Variants in HGS observed in about 807,000 individuals in gnomAD.
HGS encodes the protein hepatocyte growth factor-regulated tyrosine kinase substrate.
HGS carries 63 observed loss-of-function variants against 109.7 expected under a neutral mutation model. The observed-to-expected ratio is 0.57, with a 90% CI of 0.47 to 0.71. The LOEUF (loss-of-function observed/expected upper bound fraction) is 0.71. HGS is among the 30% of genes least tolerant of loss of function. The probability of loss-of-function intolerance (pLI) is 0.00; values close to 1 mark genes in which losing one functional copy is unlikely to be tolerated. For missense variants in HGS, 995 were observed against 1,068.3 expected (o/e 0.93, Z 0.96); for synonymous variants, 546 against 437.3 (o/e 1.25, Z -3.10).
chr17:81,694,011 G>T (rs771143123), intron 11 of HGS, 46 bp downstream of exon 11: 6 of 1,508,568 alleles, frequency 4.0e-6, no homozygotes, highest in Non-Finnish European at 3.6e-6. Flanking sequence ...AAGGCAGTAG[G>T]GTTGATGGGG....
At position 81,700,467 on chromosome 17, in the gene HGS, A is replaced by G; in HGVS notation, c.1883A>G (p.Asp628Gly). 1 of 1,557,078 alleles carries G rather than the reference A, an allele frequency of 6.4e-7. No individual in the cohort carries two copies. Among genetic ancestry groups the G allele is most frequent in the South Asian group, 1.2e-5 (1 of 83,702 alleles). Residue 628 changes from aspartate to glycine, a missense_variant and splice_region_variant, in exon 19 of 22, where the codon GAT (aspartate) becomes GGT (glycine). Around this residue, in one of 6 missense-constraint regions of HGS, gnomAD observed 326 missense variants for 309.7 expected, o/e 1.05. Transcript: ENST00000329138. Reference sequence around the variant, plus strand: ...ATCTCCCCTGTCTTGTTTGTCACAGATCCCAGCATGGTGAGTGCCTACATG... The same window carrying G: ...ATCTCCCCTGTCTTGTTTGTCACAGGTCCCAGCATGGTGAGTGCCTACATG... ...PYPSMPSTAADPSMVSAYMYP... is the reference protein window; with the variant it reads ...PYPSMPSTAAGPSMVSAYMYP...
chr17:81,690,029 C>T (rs535021880), intron 5 of HGS, among the ~76,000 whole-genome samples, 153 bp from the exon 6 acceptor site: 56 of 152,266 alleles, frequency 3.7e-4, no homozygotes, highest in Non-Finnish European at 5.1e-4. Context: ...GACACCCAAT[C>T]TTGGGGGCAG....
At position 81,701,537 on chromosome 17, in the gene HGS, G is replaced by A. The variant is rs1239573390; in HGVS notation, c.2253G>A (p.Gln751=). The change falls in exon 22 of 22, where the codon CAG becomes CAA. Residue 751 remains glutamine (Q), a synonymous_variant. Coordinates refer to ENST00000329138, the MANE Select transcript of HGS (RefSeq NM_004712.5). ...CACCCTCTGGCGGTCCCCCCCAGCA[G>A]CAGCCCCCCGTGGCCCAGCAACCGC... ...QMAPSGGPPQ[Q]QPPVAQQPQA... is the part of the protein sequence containing the mutation. 1.9e-6 allele frequency: 3 copies of A among 1,564,316 alleles called. No homozygotes were observed. The highest frequency in any genetic ancestry group is 2.6e-6 in the Non-Finnish European group (3 of 1,161,800).
At chr17:81,689,734 C>T (rs373181642) in intron 5 of HGS, among the ~76,000 whole-genome samples, 5 of 152,258 alleles carry the variant, frequency 3.3e-5, no homozygotes, top group African/African-American at 1.2e-4. Context: ...TGCCTTGGAC[C>T]CTCAACTTTG....
At position 81,701,547 on chromosome 17, in the gene HGS, G is replaced by A. The variant is rs371793460; in HGVS notation, c.2263G>A (p.Val755Met). The A allele has an allele frequency of 2.0e-5, 31 of 1,568,062 alleles. No individual in the cohort carries two copies. The highest frequency in any genetic ancestry group is 1.2e-4 in the East Asian group (5 of 42,728). ...SGGPPQQQPP[V>M]AQQPQAQGPP... is the part of the protein sequence containing the mutation. Reference sequence around the variant, plus strand: ...CGGTCCCCCCCAGCAGCAGCCCCCCGTGGCCCAGCAACCGCAGGCACAGGG... The same window carrying A: ...CGGTCCCCCCCAGCAGCAGCCCCCCATGGCCCAGCAACCGCAGGCACAGGG... The change falls in exon 22 of 22, where the codon GTG (valine) becomes ATG (methionine). Residue 755 changes from valine (V) to methionine (M), a missense_variant. Around this residue, in one of 6 missense-constraint regions of HGS, gnomAD observed 326 missense variants for 309.7 expected, o/e 1.05. Transcript: ENST00000329138.
In HGS at chr17:81,691,778, C is replaced by T. The variant is rs922112317; in HGVS notation, c.662+207C>T. 2.0e-5 allele frequency: 11 copies of T among 561,398 alleles called. No homozygotes were observed. The highest frequency in any genetic ancestry group is 3.8e-5 in the African/African-American group (2 of 53,240). 34.8% of individuals were successfully genotyped at this position (561,398 alleles called of 1,614,324 possible). ...GCAGGTGGGTGTGAGAGACAGGGCG[C>T]CGCGGCTCCAGGGACCGAGGCTGCC... On this transcript the variant is annotated intron_variant, in intron 8 of 21. Transcript: ENST00000329138. This position sits in a 1 kb window ranked among gnomAD's most constrained non-coding sequence, Gnocchi z 5.3.
At chr17:81,694,487 C>G (rs1291881071) in intron 11 of HGS, among the ~76,000 whole-genome samples, 1 of 152,236 alleles carries the variant, frequency 6.6e-6, no homozygotes, top group African/African-American at 2.4e-5. Flanking sequence ...TCCTTCCGGG[C>G]TGTCGGCTGG....
At position 81,701,755 on chromosome 17, in the gene HGS, C is replaced by T; in HGVS notation, c.*137C>T. The T allele has an allele frequency of 2.3e-6, 3 of 1,307,078 alleles. No homozygotes were observed. Among genetic ancestry groups the T allele is most frequent in the South Asian group, 3.1e-5 (2 of 64,066 alleles). The allele number at this position is 1,307,078 out of a possible 1,614,324, so 81.0% of individuals were successfully genotyped here. A position where few individuals can be genotyped will look rare whatever the true frequency, so the allele number is the denominator to read the frequency against. On this transcript the variant is annotated 3_prime_UTR_variant, in exon 22 of 22. Transcript: ENST00000329138. ...CTCTGCGAGTGAGGGGGGGCCTTCA[C>T]CCCAAGCCCACCTCCCTTGTCCTCA...
intron 11 of HGS, 47 bp downstream of exon 11, chr17:81,694,012 G>A (rs375968679): frequency 1.1e-4 from 165 of 1,509,930 alleles, no homozygotes; most frequent in Middle Eastern, 1.8e-4. Context: ...AGGCAGTAGG[G>A]TTGATGGGGG....
At position 81,701,118 on chromosome 17, in the gene HGS, C is replaced by T. The variant is rs2037230668; in HGVS notation, c.2210C>T (p.Pro737Leu). The T allele has an allele frequency of 6.2e-7, 1 of 1,613,706 alleles. No individual in the cohort carries two copies. The highest frequency in any genetic ancestry group is 1.1e-5 in the South Asian group (1 of 91,086). Residue 737 changes from proline (P) to leucine (L), a missense_variant, in exon 21 of 22, where the codon CCC becomes CTC. Transcript: ENST00000329138. ...PQQPYIAGQQ[P>L]MYQQMAPSGG... ...CAGCCCTACATCGCGGGGCAGCAGC[C>T]CATGTACCAGCAGGTGAGCCATTCC...
At chr17:81,685,527 C>T (rs561011439) in intron 1 of HGS, 78 bp from the exon 2 acceptor site, 65 of 898,152 alleles carry the variant, frequency 7.2e-5, no homozygotes, top group African/African-American at 2.0e-4. Context: ...GAGTCCCCCC[C>T]AGCTGCTGCC....
chr17:81,685,863 C>T (rs915007073), intron 2 of HGS, among the ~76,000 whole-genome samples, 174 bp downstream of exon 2: 8 of 152,184 alleles, frequency 5.3e-5, no homozygotes, highest in African/African-American at 1.4e-4. Flanking sequence ...AAGGGGTTTT[C>T]TCTGTACAGC....
At chr17:81,699,285 G>A (rs749189865) in intron 18 of HGS, among the ~76,000 whole-genome samples, 12 of 152,246 alleles carry the variant, frequency 7.9e-5, no homozygotes, top group Admixed American at 2.6e-4. Context: ...GCCTGAGGCC[G>A]TGGAGTCCAG....
rs1445821736 is a variant in HGS at position 81,693,698 on chromosome 17, G to A, written c.786G>A (p.Glu262=). The A allele has an allele frequency of 9.6e-6, 15 of 1,558,264 alleles. No homozygotes were observed. The highest frequency in any genetic ancestry group is 1.3e-5 in the Non-Finnish European group (15 of 1,150,844). The change falls in exon 10 of 22, where the codon GAG becomes GAA. Residue 262 remains glutamate, a synonymous_variant. Coordinates refer to ENST00000329138, the MANE Select transcript of HGS (RefSeq NM_004712.5). ...AGACGGCCCTGCAGGAGGAGGAGGAGCTGCAGCTGGCCCTGGCGCTGTCAC... is the reference window on the plus strand; with the variant it reads ...AGACGGCCCTGCAGGAGGAGGAGGAACTGCAGCTGGCCCTGGCGCTGTCAC... ...RDETALQEEE[E]LQLALALSQS... is the part of the protein sequence containing the mutation.
At chr17:81,690,526 GCC>G (rs1488991359) in intron 6 of HGS, 146 bp from the exon 7 acceptor site, 17 of 726,050 alleles carry the variant, frequency 2.3e-5, no homozygotes, top group Admixed American at 2.1e-4. Flanking sequence ...CCCAGGCCAC[GCC>G]GCTGGGAAGG....
rs2037061140 is a variant in HGS at position 81,691,335 on chromosome 17, C to G, written c.538-112C>G. The G allele has an allele frequency of 7.4e-7, 1 of 1,359,758 alleles. No homozygotes were observed. The highest frequency in any genetic ancestry group is 1.0e-6 in the Non-Finnish European group (1 of 975,114). The allele number at this position is 1,359,758 out of a possible 1,614,324, so 84.2% of individuals were successfully genotyped here. A position where few individuals can be genotyped will look rare whatever the true frequency, so the allele number is the denominator to read the frequency against. ...GGCACTTGTTCTGCTTGTCCCTTGC[C>G]TTCCCCCACCTGTGAGGCCCAGCTT... On this transcript the variant is annotated intron_variant, in intron 7 of 21. Coordinates refer to ENST00000329138, the MANE Select transcript of HGS (RefSeq NM_004712.5). The surrounding 1 kb of genome is among the most constrained non-coding windows in gnomAD (Gnocchi z 5.3).
Position 81,700,520 on chromosome 17 carries a change from G to A in HGS, c.1936G>A (p.Ala646Thr), listed in dbSNP as rs1445323815. 6.2e-7 allele frequency: 1 copy of A among 1,608,148 alleles called. No individual in the cohort carries two copies. Among genetic ancestry groups the A allele is most frequent in the Non-Finnish European group, 8.5e-7 (1 of 1,177,296 alleles). ...MYPAGATGAQ[A>T]APQAQAGPTA... ...CCCAGCAGGGGCCACTGGGGCGCAG[G>A]CGGCCCCCCAGGCCCAGGCCGGACC... Residue 646 changes from alanine to threonine, a missense_variant, in exon 19 of 22, where the codon GCG (alanine) becomes ACG (threonine). Around this residue, in one of 6 missense-constraint regions of HGS, gnomAD observed 326 missense variants for 309.7 expected, o/e 1.05. Transcript: ENST00000329138.
At position 81,700,835 on chromosome 17, in the gene HGS, T is replaced by C. The variant is rs73354136; in HGVS notation, c.2136+21T>C. On this transcript the variant is annotated intron_variant, in intron 20 of 21. Transcript: ENST00000329138. ...TGCAGGTACAGTGACCTCCAGGCCC[T>C]GCTGGGGGCCAGGGTGGGGGAGCAG... The C allele has an allele frequency of 9.0e-3, 14,439 of 1,604,060 alleles. 1,070 individuals carry two copies. The African/African-American group carries it at 0.16, about 18-fold the overall frequency.
chr17:81,685,261 C>T (rs2144480684), intron 1 of HGS, among the ~76,000 whole-genome samples: 1 of 152,320 alleles, frequency 6.6e-6, no homozygotes, highest in South Asian at 2.1e-4. Flanking sequence ...TGTTGAGAAG[C>T]AGCCGAGCCT....
Sources: allele counts gnomAD v4.1 joint callset (sites outside exome capture counted in the v4.1 genomes callset), GRCh38; gene constraint gnomAD v4.1.1; regional missense constraint gnomAD v4.1.1; non-coding constraint Gnocchi (gnomAD v3.1); transcripts MANE v1.5; gene names NCBI Gene and HGNC (gene_info 2026-07-23, HGNC 2026-07-21).